PEAK1: variants seen among roughly 807,000 people sequenced by gnomAD.
PEAK1 encodes inactive tyrosine-protein kinase PEAK1.
PEAK1 carries 54 observed loss-of-function variants against 124.7 expected under a neutral mutation model. The observed-to-expected ratio is 0.43, with a 90% CI of 0.35 to 0.54. PEAK1 has a LOEUF of 0.54. PEAK1 is among the 20% of genes least tolerant of loss of function. The probability of loss-of-function intolerance (pLI) is 0.01; values close to 1 mark genes in which losing one functional copy is unlikely to be tolerated. For synonymous variants in PEAK1, 719 were observed against 760.0 expected (o/e 0.95, Z 0.89); for missense variants, 2,046 against 2,134.5 (o/e 0.96, Z 0.82).
exon 7 of PEAK1, chr15:77,102,516 A>G (rs945894665): frequency 1.3e-5 from 2 of 152,168 alleles, no homozygotes; most frequent in African/African-American, 4.8e-5. Context: ...CTAGTTCTTG[A>G]GATTTTTCTT....
chr15:77,297,398 C>T (rs1277399495), intron 2 of PEAK1, among the ~76,000 whole-genome samples: 1 of 151,720 alleles, frequency 6.6e-6, no homozygotes, highest in Non-Finnish European at 1.5e-5. Context: ...CCTGTGACTG[C>T]CTCTTCCCCA....
intron 2 of PEAK1, among the ~76,000 whole-genome samples, chr15:77,287,901 C>T (rs1402946338): frequency 6.6e-6 from 1 of 152,168 alleles, no homozygotes; most frequent in Non-Finnish European, 1.5e-5. Context: ...ATCTTCAATT[C>T]TTATTGATTT....
At chr15:77,206,323 G>A (rs1313944936) in intron 6 of PEAK1, among the ~76,000 whole-genome samples, 19 of 147,962 alleles carry the variant, frequency 1.3e-4, no homozygotes, top group Non-Finnish European at 2.7e-4. Flanking sequence ...ATGATTTATA[G>A]TCCTTTGGGT....
intron 7 of PEAK1, 103 bp downstream of exon 7, chr15:77,178,685 CTT>C: frequency 8.8e-7 from 1 of 1,141,438 alleles, no homozygotes; most frequent in Non-Finnish European, 1.2e-6. Flanking sequence ...CAGAGTGCTA[CTT>C]ACAAACAGAA....
At position 77,181,441 on chromosome 15, in the gene PEAK1, GGC is replaced by G. The variant is rs1303498799; in HGVS notation, c.484_485del (p.Ala162ProfsTer7). The part of the protein sequence containing the change: ...VLKEIAGLDT[A>X]PQIRGNETNS... ...TTGTTTCATTTCCTCTTATCTGAGGGGCAGTATCCAAGCCTGCTATCTCCTTT... is the reference window on the plus strand; with the variant it reads ...TTGTTTCATTTCCTCTTATCTGAGGGAGTATCCAAGCCTGCTATCTCCTTT... On this transcript the variant is annotated frameshift_variant, in exon 7 of 10. Coordinates refer to ENST00000682557, the MANE Select transcript of PEAK1 (RefSeq NM_001385026.1). LOFTEE classifies it high-confidence loss of function. 6.2e-7 allele frequency: 1 copy of G among 1,614,084 alleles called. No homozygotes were observed. The highest frequency in any genetic ancestry group is 8.5e-7 in the Non-Finnish European group (1 of 1,180,000).
At chr15:77,349,368 C>A in intron 2 of PEAK1, 1 of 983,866 alleles carries the variant, frequency 1.0e-6, no homozygotes, top group Non-Finnish European at 1.2e-6. Context: ...TAAAGTCACA[C>A]TACAAAGACA....
chr15:77,142,381 C>T (rs934688463), intron 8 of PEAK1, among the ~76,000 whole-genome samples: 1 of 152,168 alleles, frequency 6.6e-6, no homozygotes, highest in Admixed American at 6.6e-5. Context: ...ATGGTGCCAC[C>T]ATCTTGGAAA....
intron 2 of PEAK1, among the ~76,000 whole-genome samples, chr15:77,340,378 T>C (rs2066455126): frequency 6.6e-6 from 1 of 152,176 alleles, no homozygotes; most frequent in Admixed American, 6.5e-5. Context: ...GACTACATAC[T>C]ATATAATTCC....
intron 7 of PEAK1, among the ~76,000 whole-genome samples, chr15:77,162,493 C>CAAA (rs71143393): frequency 3.4e-4 from 24 of 70,412 alleles, no homozygotes; most frequent in East Asian, 2.0e-3. Flanking sequence ...GACTCCATCT[C>CAAA]AAAAAAAAAA....
chr15:77,249,426 A>G (rs1475939645), intron 6 of PEAK1, among the ~76,000 whole-genome samples: 1 of 152,240 alleles, frequency 6.6e-6, no homozygotes, highest in East Asian at 1.9e-4. Context: ...TTTAGTGGCC[A>G]TGATAGTTCA....
At chr15:77,223,017 A>G (rs1041115170) in intron 6 of PEAK1, among the ~76,000 whole-genome samples, 76 of 152,068 alleles carry the variant, frequency 5.0e-4, no homozygotes, top group African/African-American at 1.8e-3. Context: ...CCCACTCCAG[A>G]TTTAGAATCA....
intron 2 of PEAK1, among the ~76,000 whole-genome samples, chr15:77,340,494 T>C (rs1233463290): frequency 6.6e-6 from 1 of 152,192 alleles, no homozygotes; most frequent in East Asian, 1.9e-4. Context: ...GGAGCACAGA[T>C]GACTTTTCCA....
At position 77,250,246 on chromosome 15, in the gene PEAK1, T is replaced by C. The variant is rs191369486; in HGVS notation, c.-115+2121A>G. Among the ~76,000 whole-genome samples, 138 of 72,610 alleles carry C rather than the reference T, an allele frequency of 1.9e-3. 2 individuals carry two copies. The highest frequency in any genetic ancestry group is 3.5e-3 in the Non-Finnish European group (92 of 26,472). 47.6% of individuals were successfully genotyped at this position (72,610 alleles called of 152,430 possible). A position where few individuals can be genotyped will look rare whatever the true frequency, so the allele number is the denominator to read the frequency against. On this transcript the variant is annotated intron_variant, in intron 6 of 9. Coordinates refer to ENST00000682557, the MANE Select transcript of PEAK1 (RefSeq NM_001385026.1). ...ACACATATATATGTATATGTATATA[T>C]ATATATATATATTTTTTTTTGACAG...
intron 5 of PEAK1, among the ~76,000 whole-genome samples, chr15:77,270,788 G>C (rs556459825): frequency 6.6e-6 from 1 of 152,074 alleles, no homozygotes; most frequent in Non-Finnish European, 1.5e-5. Flanking sequence ...TCACAATATT[G>C]ATTCTTCCTA....
At chr15:77,349,801 T>C in intron 2 of PEAK1, 1 of 985,312 alleles carries the variant, frequency 1.0e-6, no homozygotes, top group African/African-American at 1.7e-5. Flanking sequence ...TGCATTGTTT[T>C]GCAGCTGAGG....
chr15:77,277,078 T>C (rs1352099829), intron 5 of PEAK1, among the ~76,000 whole-genome samples: 1 of 152,106 alleles, frequency 6.6e-6, no homozygotes, highest in African/African-American at 2.4e-5. Flanking sequence ...TCAAGTAACC[T>C]GCAGGAAAGC....
intron 1 of PEAK1, chr15:77,419,243 A>G: frequency 6.1e-6 from 6 of 985,336 alleles, no homozygotes; most frequent in Non-Finnish European, 4.8e-6. Flanking sequence ...AGCAATCTTT[A>G]ACGTAGCCAA....
intron 1 of PEAK1, among the ~76,000 whole-genome samples, chr15:77,390,368 C>T (rs1023709594): frequency 1.3e-5 from 2 of 152,162 alleles, no homozygotes; most frequent in Non-Finnish European, 2.9e-5. Context: ...TTAAGCATAG[C>T]CTGCTTTGAG....
chr15:77,117,741 G>C lies in PEAK1; in HGVS notation c.4078-2422C>G, dbSNP rs545389991. On this transcript the variant is annotated intron_variant, in intron 9 of 9. Transcript: ENST00000682557. ...CAGGGCAACCTAAAGCTATGAGAGA[G>C]AATTGTTTGGCCAAGTCTAGTTTTT... Among the ~76,000 whole-genome samples, 34 of 152,242 alleles carry C rather than the reference G, an allele frequency of 2.2e-4. No individual in the cohort carries two copies. In the South Asian group the frequency reaches 6.6e-3, roughly 30 times the overall value.
Sources: allele counts gnomAD v4.1 joint callset (sites outside exome capture counted in the v4.1 genomes callset), GRCh38; gene constraint gnomAD v4.1.1; transcripts MANE v1.5; gene names NCBI Gene and HGNC (gene_info 2026-07-23, HGNC 2026-07-21).